The following PRKRA variants were observed in gnomAD, a reference collection of about 807,000 sequenced individuals.
The protein encoded by PRKRA is protein activator of interferon induced protein kinase EIF2AK2.
In PRKRA, 22 loss-of-function variants were observed where a neutral mutation model predicts 32.4. That is an observed-to-expected ratio of 0.68 (90% confidence interval 0.49 to 0.97). The LOEUF is 0.97. Ranked by LOEUF, PRKRA falls within the 50% of genes least tolerant of loss-of-function variation. The pLI is 0.00. For missense variants in PRKRA, 319 were observed against 375.6 expected (o/e 0.85, Z 1.25); for synonymous variants, 139 against 129.8 (o/e 1.07, Z -0.48).
intron 4 of PRKRA, chr2:178,444,086 T>G (rs1697220854): frequency 4.2e-6 from 1 of 235,994 alleles, no homozygotes; most frequent in Non-Finnish European, 8.4e-6. Context: ...AGGCTCTCTA[T>G]AAAGTCTTCT....
intron 2 of PRKRA, among the ~76,000 whole-genome samples, chr2:178,449,719 G>C (rs907600227): frequency 2.6e-5 from 4 of 152,178 alleles, no homozygotes; most frequent in Non-Finnish European, 5.9e-5. Flanking sequence ...TCAAAAACTA[G>C]AAGTTATTAT....
At chr2:178,438,388 T>C (rs1338602247) in intron 6 of PRKRA, among the ~76,000 whole-genome samples, 1 of 152,220 alleles carries the variant, frequency 6.6e-6, no homozygotes, top group Non-Finnish European at 1.5e-5. Flanking sequence ...TTCTACATCA[T>C]TATTGAATAA....
chr2:178,444,714 C>T (rs889290053), intron 3 of PRKRA, among the ~76,000 whole-genome samples: 10 of 152,084 alleles, frequency 6.6e-5, no homozygotes, highest in Non-Finnish European at 1.5e-4. Flanking sequence ...TCCTTTTACC[C>T]CAGTGGTTTA....
rs371966651 is a variant in PRKRA, at chr2:178,450,359, G to A, written c.118C>T (p.His40Tyr). Residue 40 changes from histidine to tyrosine, a missense_variant, in exon 2 of 8, where the codon CAC becomes TAC. Transcript: ENST00000325748. ...KPGKTPIQVL[H>Y]EYGMKTKNIP... The stretch of plus-strand genomic sequence containing the variant: ...TTCTTGGTCTTCATGCCGTATTCGT[G>A]TAATACCTGAATCGGTGTTTTCCCT... 4.2e-5 allele frequency: 68 copies of A among 1,614,152 alleles called. No homozygotes were observed. Among genetic ancestry groups the A allele is most frequent in the Non-Finnish European group, 5.0e-5 (59 of 1,180,056 alleles).
chr2:178,438,321 C>A (rs1420684100), intron 6 of PRKRA, among the ~76,000 whole-genome samples: 1 of 144,694 alleles, frequency 6.9e-6, no homozygotes, highest in Non-Finnish European at 1.5e-5. Context: ...AAATAGATGT[C>A]ATACACATCA....
At chr2:178,443,468 CTATGTA>C (rs1697196437) in intron 4 of PRKRA, 84 bp from the exon 5 acceptor site, 7 of 654,352 alleles carry the variant, frequency 1.1e-5, no homozygotes, top group Non-Finnish European at 1.7e-5. Flanking sequence ...GATCCCATTT[CTATGTA>C]TATGTTTGAA....
chr2:178,441,662 T>G lies in PRKRA; in HGVS notation c.557A>C (p.Glu186Ala). 6.2e-7 allele frequency: 1 copy of G among 1,612,618 alleles called. No individual in the cohort carries two copies. The highest frequency in any genetic ancestry group is 8.5e-7 in the Non-Finnish European group (1 of 1,178,622). ...ATTACTAAATTTGGCAAGAAATTTC[T>G]CAGCAGCATTCCTTTTGGCTTGCTT... ...SKKQAKRNAA[E>A]KFLAKFSNIS... The change falls in exon 6 of 8, where the codon GAG becomes GCG. Residue 186 changes from glutamate to alanine, a missense_variant. Transcript: ENST00000325748.
intron 3 of PRKRA, chr2:178,445,743 T>C (rs1426479600): frequency 1.9e-5 from 3 of 154,292 alleles, no homozygotes; most frequent in Non-Finnish European, 4.4e-5. Context: ...TTTTTTTGTT[T>C]GTTTGGAGAC....
chr2:178,444,925 A>G (rs1195678863), intron 3 of PRKRA, among the ~76,000 whole-genome samples: 8 of 152,242 alleles, frequency 5.3e-5, no homozygotes. Context: ...TTTGTACATA[A>G]TAGGCATGCC....
intron 7 of PRKRA, among the ~76,000 whole-genome samples, 177 bp downstream of exon 7, chr2:178,435,968 C>T (rs1696877262): frequency 6.6e-6 from 1 of 152,114 alleles, no homozygotes; most frequent in African/African-American, 2.4e-5. Context: ...TTACTATCCA[C>T]AAGAATGGGA....
At chr2:178,446,701 A>G (rs1575098198) in intron 3 of PRKRA, among the ~76,000 whole-genome samples, 1 of 152,276 alleles carries the variant, frequency 6.6e-6, no homozygotes, top group South Asian at 2.1e-4. Context: ...TCCAGGACCA[A>G]TATTCTATCT....
At chr2:178,434,926 G>C (rs899292630) in intron 7 of PRKRA, among the ~76,000 whole-genome samples, 2 of 151,584 alleles carry the variant, frequency 1.3e-5, no homozygotes, top group Admixed American at 6.6e-5. Context: ...TTTGAGACAA[G>C]CCTGGTCAAC....
chr2:178,434,449 A>G (rs1037475361), intron 7 of PRKRA, among the ~76,000 whole-genome samples: 3 of 151,034 alleles, frequency 2.0e-5, no homozygotes, highest in African/African-American at 7.3e-5. Context: ...GACAAGTCTA[A>G]CTCTGTCACC....
At chr2:178,441,426 T>C (rs1697109987) in intron 6 of PRKRA, among the ~76,000 whole-genome samples, 184 bp downstream of exon 6, 1 of 152,218 alleles carries the variant, frequency 6.6e-6, no homozygotes, top group African/African-American at 2.4e-5. Context: ...TCTTACCTAA[T>C]TGCCTCTGTG....
chr2:178,445,718 T>A (rs983720597), intron 3 of PRKRA: 3 of 154,312 alleles, frequency 1.9e-5, no homozygotes, highest in African/African-American at 7.2e-5. Flanking sequence ...ACCTGCCATG[T>A]CATTTGGCAT....
chr2:178,438,602 T>G (rs910002245), intron 6 of PRKRA, among the ~76,000 whole-genome samples: 5 of 152,292 alleles, frequency 3.3e-5, no homozygotes, highest in African/African-American at 1.2e-4. Flanking sequence ...CCTTTTCAGT[T>G]TTCTTGGCTA....
In PRKRA at chr2:178,436,184, C is replaced by T; in HGVS notation, c.745G>A (p.Ala249Thr). 1 of 1,612,558 alleles carries T rather than the reference C, an allele frequency of 6.2e-7. No homozygotes were observed. Among genetic ancestry groups the T allele is most frequent in the Non-Finnish European group, 8.5e-7 (1 of 1,178,678 alleles). The change falls in exon 7 of 8, where the codon GCC (alanine) becomes ACC (threonine). Residue 249 changes from alanine to threonine, a missense_variant. Transcript: ENST00000325748. ...GTTATATTAAAACCTTGTTCCTTGGCAATTTCACTAAGCAGCTGGATGTAA... is the reference window on the plus strand; with the variant it reads ...GTTATATTAAAACCTTGTTCCTTGGTAATTTCACTAAGCAGCTGGATGTAA... ...TDYIQLLSEIAKEQGFNITYL... is the reference protein window; with the variant it reads ...TDYIQLLSEITKEQGFNITYL...
intron 6 of PRKRA, chr2:178,439,839 G>A (rs1000574880): frequency 1.3e-5 from 2 of 152,088 alleles, no homozygotes; most frequent in East Asian, 3.8e-4. Flanking sequence ...GTTAATTAAA[G>A]TAACCAACTT....
At chr2:178,450,769 G>A (rs947326164) in intron 1 of PRKRA, 197 bp downstream of exon 1, 3 of 1,346,816 alleles carry the variant, frequency 2.2e-6, no homozygotes, top group South Asian at 1.9e-5. Flanking sequence ...CGCCGCCAGG[G>A]ACCACGAGAG....
Sources: allele counts gnomAD v4.1 joint callset (sites outside exome capture counted in the v4.1 genomes callset), GRCh38; gene constraint gnomAD v4.1.1; transcripts MANE v1.5; gene names NCBI Gene and HGNC (gene_info 2026-07-23, HGNC 2026-07-21).